The following PCDHA9 variants were observed in gnomAD, a reference collection of about 807,000 sequenced individuals.
PCDHA9 encodes the protein protocadherin alpha 9.
Under a neutral mutation model 62.0 loss-of-function variants are expected in PCDHA9, and 62 were observed. That is an observed-to-expected ratio of 1.00 (90% CI 0.81 to 1.23). The LOEUF is 1.23. PCDHA9 is among the 50% of genes most tolerant of loss of function. The pLI is 0.00. For synonymous variants in PCDHA9, 557 were observed against 567.6 expected (o/e 0.98, Z 0.27); for missense variants, 1,205 against 1,249.8 (o/e 0.96, Z 0.54).
chr5:140,935,230 CTA>C (rs1363291872), intron 1 of PCDHA9, among the ~76,000 whole-genome samples: 2 of 152,128 alleles, frequency 1.3e-5, no homozygotes, highest in African/African-American at 4.8e-5. Context: ...TAAGGGATGT[CTA>C]TTTTTTAAAA....
At chr5:140,938,835 CA>C (rs2092222540) in intron 1 of PCDHA9, among the ~76,000 whole-genome samples, 1 of 152,008 alleles carries the variant, frequency 6.6e-6, no homozygotes, top group African/African-American at 2.4e-5. Flanking sequence ...TGCGTTATAA[CA>C]AACCTGCCCA....
intron 1 of PCDHA9, chr5:140,875,158 AC>A: frequency 3.0e-6 from 1 of 338,826 alleles, no homozygotes; most frequent in East Asian, 5.5e-5. Flanking sequence ...GTGAAAAATA[AC>A]CCAAAGTCGA....
Position 141,010,924 on chromosome 5 carries a change from T to G in PCDHA9, c.*987T>G, listed in dbSNP as rs1016736721. 1 of 153,778 alleles carries G rather than the reference T, an allele frequency of 6.5e-6. No homozygotes were observed. Among genetic ancestry groups the G allele is most frequent in the Non-Finnish European group, 1.5e-5 (1 of 68,046 alleles). 9.5% of individuals were successfully genotyped at this position (153,778 alleles called of 1,614,324 possible). A position where few individuals can be genotyped will look rare whatever the true frequency, so the allele number is the denominator to read the frequency against. Reference sequence around the variant, plus strand: ...CCCCTAAACTCTCCTCAAAAGAGAATTCAGTCTACAGCCATTTAAATGATC... The same window carrying G: ...CCCCTAAACTCTCCTCAAAAGAGAAGTCAGTCTACAGCCATTTAAATGATC... On this transcript the variant is annotated 3_prime_UTR_variant, in exon 4 of 4. Transcript: ENST00000532602.
intron 1 of PCDHA9, chr5:140,862,540 G>A: frequency 4.5e-6 from 2 of 444,274 alleles, no homozygotes; most frequent in South Asian, 3.5e-5. Flanking sequence ...TCGGGTCCGT[G>A]GAAGTGGCCG....
intron 1 of PCDHA9, chr5:140,858,543 A>AT: frequency 7.1e-7 from 1 of 1,400,318 alleles, no homozygotes; most frequent in Admixed American, 2.0e-5. Flanking sequence ...TCTACATTCC[A>AT]TTTATGCTTG....
intron 1 of PCDHA9, among the ~76,000 whole-genome samples, chr5:140,913,052 A>G (rs1554195709): frequency 6.6e-6 from 1 of 151,874 alleles, no homozygotes; most frequent in African/African-American, 2.4e-5. Context: ...CTGGAGTTTT[A>G]TTTTATTTTG....
intron 3 of PCDHA9, among the ~76,000 whole-genome samples, chr5:141,002,223 T>C (rs2098066619): frequency 6.6e-6 from 1 of 151,974 alleles, no homozygotes. Flanking sequence ...AAATGATGGG[T>C]TTTCTGGAAG....
At chr5:140,900,429 C>A (rs1202126306) in intron 1 of PCDHA9, among the ~76,000 whole-genome samples, 1 of 152,174 alleles carries the variant, frequency 6.6e-6, no homozygotes, top group East Asian at 1.9e-4. Context: ...AGGCACGTGC[C>A]ACCACGGCCG....
chr5:140,852,930 G>A (rs1581296305), intron 1 of PCDHA9: 1 of 621,568 alleles, frequency 1.6e-6, no homozygotes, highest in East Asian at 1.3e-4. Context: ...CCAGGCTGGA[G>A]TGCAGTGGTG....
At chr5:140,967,585 C>T (rs1278675624) in intron 1 of PCDHA9, 1 of 1,614,152 alleles carries the variant, frequency 6.2e-7, no homozygotes, top group Non-Finnish European at 8.5e-7. Flanking sequence ...CACCCCCAGG[C>T]ACATTGGTGG....
chr5:140,902,786 C>G (rs1450809375), intron 1 of PCDHA9, among the ~76,000 whole-genome samples: 1 of 151,906 alleles, frequency 6.6e-6, no homozygotes, highest in Non-Finnish European at 1.5e-5. Flanking sequence ...TAGCTTAGCT[C>G]TCACTTGTAT....
rs782644238 is a variant in PCDHA9 at position 140,883,107 on chromosome 5, C to A, written c.2394+32218C>A. ...GGTACAAATGGAGATATAGTTTACT[C>A]ATTTAGAAGGCCTGTATGGCCTGCA... On this transcript the variant is annotated intron_variant, in intron 1 of 3. Transcript: ENST00000532602. 15 of 1,614,064 alleles carry A rather than the reference C, an allele frequency of 9.3e-6. No homozygotes were observed. The East Asian group carries it at 3.1e-4, about 34-fold the overall frequency.
chr5:140,985,572 C>G (rs2097158307), intron 3 of PCDHA9, among the ~76,000 whole-genome samples: 1 of 152,142 alleles, frequency 6.6e-6, no homozygotes, highest in Non-Finnish European at 1.5e-5. Context: ...CTTTCTGGTG[C>G]CTAAGCCTCC....
In PCDHA9 at chr5:140,876,240, A is replaced by G. The variant is rs375639572; in HGVS notation, c.2394+25351A>G. 7.0e-5 allele frequency: 113 copies of G among 1,613,906 alleles called. No homozygotes were observed. The highest frequency in any genetic ancestry group is 8.3e-5 in the Admixed American group (5 of 60,008). Reference sequence around the variant, plus strand: ...AAGTAGTGTTGTCTGAAAATGTCCAAAACGACACAAGAGTGATCCAACTAA... The same window carrying G: ...AAGTAGTGTTGTCTGAAAATGTCCAGAACGACACAAGAGTGATCCAACTAA... On this transcript the variant is annotated intron_variant, in intron 1 of 3. Coordinates refer to ENST00000532602, the MANE Select transcript of PCDHA9 (RefSeq NM_031857.2).
chr5:140,874,111 G>T (rs977519429), intron 1 of PCDHA9, among the ~76,000 whole-genome samples: 2 of 152,056 alleles, frequency 1.3e-5, no homozygotes, highest in Non-Finnish European at 2.9e-5. Flanking sequence ...ATTACTTAAC[G>T]TTTTATAGTT....
chr5:140,926,128 CGCAGCAGGATCCAGCGCGGAAAGCTCT>C (rs1157627097), intron 1 of PCDHA9, among the ~76,000 whole-genome samples: 1 of 152,278 alleles, frequency 6.6e-6, no homozygotes, highest in East Asian at 1.9e-4. Flanking sequence ...GACTTCAACC[CGCAGCAGGATCCAGCGCGGAAAGCTCT>C]GCAGCAGGAT....
Position 140,848,580 on chromosome 5 carries a change from G to A in PCDHA9, c.85G>A (p.Gly29Ser). 1 of 1,595,144 alleles carries A rather than the reference G, an allele frequency of 6.3e-7. No individual in the cohort carries two copies. Among genetic ancestry groups the A allele is most frequent in the Non-Finnish European group, 8.6e-7 (1 of 1,165,222 alleles). ...CCTCGCAATGTGGGTGGTGGGGAGC[G>A]GCCAGCTCCACTACTCCGTCCCGGA... ...LILAMWVVGS[G>S]QLHYSVPEEA... The change falls in exon 1 of 4, where the codon GGC becomes AGC. Residue 29 changes from glycine to serine, a missense_variant. Transcript: ENST00000532602.
chr5:140,977,925 A>T (rs782072280), intron 1 of PCDHA9, among the ~76,000 whole-genome samples: 4 of 152,152 alleles, frequency 2.6e-5, no homozygotes, highest in African/African-American at 7.2e-5. Context: ...TTTTCATTCA[A>T]CTATACCTCA....
In PCDHA9 at chr5:140,985,839, A is replaced by G. The variant is rs570244448; in HGVS notation, c.2542+3276A>G. On this transcript the variant is annotated intron_variant, in intron 3 of 3. Coordinates refer to ENST00000532602, the MANE Select transcript of PCDHA9 (RefSeq NM_031857.2). ...ACAACAAGCTCTGCCTCCCGGGTTC[A>G]TGCCACTCTCCTGCCTCAGCCTCCT... Among the ~76,000 whole-genome samples the G allele has an allele frequency of 6.2e-5, 9 of 144,378 alleles. No homozygotes were observed. The East Asian group carries it at 1.9e-3, about 30-fold the overall frequency. 94.7% of individuals were successfully genotyped at this position (144,378 alleles called of 152,430 possible). A position where few individuals can be genotyped will look rare whatever the true frequency, so the allele number is the denominator to read the frequency against.
Sources: gnomAD v4.1 joint callset for allele counts (sites outside exome capture counted in the v4.1 genomes callset) on GRCh38, gnomAD v4.1.1 for gene constraint, MANE v1.5 for transcripts, NCBI Gene and HGNC (gene_info 2026-07-23, HGNC 2026-07-21) for gene names.